The following SHISA9 variants were observed in gnomAD, a reference collection of about 807,000 sequenced individuals.
The protein encoded by SHISA9 is protein shisa-9.
Under a neutral mutation model 38.0 loss-of-function variants are expected in SHISA9, and 13 were observed. The ratio of observed to expected loss-of-function variants is 0.34; its 90% CI spans 0.22 to 0.54. SHISA9 has a LOEUF of 0.54. Among genes scored for constraint, SHISA9 ranks in the 20% least tolerant of loss-of-function variants. The probability of loss-of-function intolerance (pLI) is 0.91; values close to 1 mark genes in which losing one functional copy is unlikely to be tolerated. For synonymous variants in SHISA9, 275 were observed against 242.0 expected, an observed-to-expected ratio of 1.14 and a Z score of -1.27; for missense variants, 538 against 575.8, an observed-to-expected ratio of 0.93 and a Z score of 0.67.
intron 2 of SHISA9, among the ~76,000 whole-genome samples, chr16:13,022,636 T>C (rs1476046037): frequency 3.9e-5 from 6 of 152,040 alleles, no homozygotes; most frequent in Admixed American, 6.5e-5. Context: ...CCAGCCTTAA[T>C]TTTATTTTTA....
chr16:13,409,690 G>A, the SHISA9 span, among the ~76,000 whole-genome samples: 1 of 152,180 alleles, frequency 6.6e-6, no homozygotes, highest in African/African-American at 2.4e-5. Context: ...TGTCTTAGCT[G>A]GATCTCAAAA....
chr16:13,553,241 T>C, the SHISA9 span, among the ~76,000 whole-genome samples: 1 of 152,220 alleles, frequency 6.6e-6, no homozygotes, highest in Non-Finnish European at 1.5e-5. Context: ...TTCCCCATTC[T>C]GTAAGTGAAG....
intron 3 of SHISA9, among the ~76,000 whole-genome samples, chr16:13,209,553 C>T (rs555375205): frequency 6.6e-6 from 1 of 152,198 alleles, no homozygotes; most frequent in Admixed American, 6.5e-5. Flanking sequence ...TGTTTCAATA[C>T]AATCCATCAG....
intron 2 of SHISA9, among the ~76,000 whole-genome samples, chr16:13,045,382 T>C (rs568083077): frequency 1.1e-4 from 16 of 152,208 alleles, no homozygotes; most frequent in Admixed American, 8.5e-4. Flanking sequence ...AGGAATTCTG[T>C]CTCCAGAGCT....
At chr16:13,533,928 C>T in the SHISA9 span, among the ~76,000 whole-genome samples, 7 of 151,836 alleles carry the variant, frequency 4.6e-5, no homozygotes, top group Non-Finnish European at 8.8e-5. Context: ...GGACTACAGG[C>T]GCCTGCCACT....
At chr16:13,144,253 A>G (rs1307227691) in intron 2 of SHISA9, among the ~76,000 whole-genome samples, 1 of 151,676 alleles carries the variant, frequency 6.6e-6, no homozygotes, top group East Asian at 1.9e-4. Flanking sequence ...CCTGGGTTCA[A>G]GAGATTCTCC....
chr16:13,433,148 C>T, the SHISA9 span, among the ~76,000 whole-genome samples: 2 of 151,246 alleles, frequency 1.3e-5, no homozygotes, highest in African/African-American at 2.4e-5. Flanking sequence ...TAGGGATAGT[C>T]ATAGTTACAA....
the SHISA9 span, among the ~76,000 whole-genome samples, chr16:13,408,684 C>T: frequency 6.6e-6 from 1 of 152,152 alleles, no homozygotes; most frequent in Non-Finnish European, 1.5e-5. Context: ...AGAAGAATTT[C>T]CCACACACAG....
At chr16:13,064,551 T>A (rs550282591) in intron 2 of SHISA9, among the ~76,000 whole-genome samples, 2 of 152,222 alleles carry the variant, frequency 1.3e-5, no homozygotes, top group Admixed American at 1.3e-4. Context: ...ACATAAGAAT[T>A]TTGAATGATA....
rs543314436 is a variant in SHISA9 at position 13,155,678 on chromosome 16, C to T, written c.692-47716C>T. 1.4e-4 allele frequency among the ~76,000 whole-genome samples: 21 copies of T among 152,162 alleles called. No homozygotes were observed. The East Asian group carries it at 4.1e-3, about 29-fold the overall frequency. ...GCTAGTCAAGGTACCCAGGCCACAG[C>T]CTTTGAACTAATTAGCAATTACTGG... is the stretch of plus-strand genomic sequence containing the variant. On this transcript the variant is annotated intron_variant, in intron 2 of 4. Coordinates refer to ENST00000558583, the MANE Select transcript of SHISA9 (RefSeq NM_001145204.3).
the SHISA9 span, among the ~76,000 whole-genome samples, chr16:13,469,365 A>AAGAAAGAAAAGAAAAAGAAAGAAAG: frequency 4.0e-4 from 26 of 64,520 alleles, no homozygotes; most frequent in Non-Finnish European, 5.5e-4. Flanking sequence ...AAAGAAAAGA[A>AAGAAAGAAAAGAAAAAGAAAGAAAG]AAAGAAAGAA....
chr16:13,121,819 A>C (rs1358386472), intron 2 of SHISA9, among the ~76,000 whole-genome samples: 1 of 134,950 alleles, frequency 7.4e-6, no homozygotes, highest in Non-Finnish European at 1.5e-5. Context: ...AACATTAAAC[A>C]CCTATACACA....
intron 2 of SHISA9, among the ~76,000 whole-genome samples, chr16:12,983,002 A>G (rs1225354444): frequency 1.3e-5 from 2 of 152,228 alleles, no homozygotes; most frequent in Non-Finnish European, 2.9e-5. Context: ...CAAAAGACAC[A>G]GCTACTCTTG....
At chr16:12,907,952 G>C (rs973354577) in intron 1 of SHISA9, among the ~76,000 whole-genome samples, 2 of 152,154 alleles carry the variant, frequency 1.3e-5, no homozygotes, top group Non-Finnish European at 2.9e-5. Context: ...AGTCAGTCAA[G>C]TTGCTCTGCA....
chr16:13,432,345 GT>G, the SHISA9 span, among the ~76,000 whole-genome samples: 67 of 152,156 alleles, frequency 4.4e-4, no homozygotes, highest in Non-Finnish European at 8.5e-4. Context: ...ATAAATAAAA[GT>G]TGCAAATCTG....
the SHISA9 span, among the ~76,000 whole-genome samples, chr16:13,285,476 T>G: frequency 4.0e-5 from 6 of 149,488 alleles, no homozygotes; most frequent in South Asian, 2.1e-4. Context: ...TTTTTTTTTT[T>G]TTTTTTTTTT....
chr16:12,969,800 CAGAAA>C (rs2072031277), intron 2 of SHISA9, among the ~76,000 whole-genome samples: 2 of 151,974 alleles, frequency 1.3e-5, no homozygotes, highest in African/African-American at 4.8e-5. Context: ...ACACTGGAAA[CAGAAA>C]ACAAATAAAT....
the SHISA9 span, among the ~76,000 whole-genome samples, chr16:13,522,604 G>A: frequency 2.0e-5 from 3 of 152,068 alleles, no homozygotes; most frequent in Non-Finnish European, 4.4e-5. Flanking sequence ...GACTTAATAA[G>A]AGCAGACAGA....
intron 2 of SHISA9, among the ~76,000 whole-genome samples, chr16:12,983,170 G>C (rs1311048697): frequency 2.0e-5 from 3 of 152,216 alleles, no homozygotes; most frequent in Non-Finnish European, 4.4e-5. Context: ...AGGCTGCAGA[G>C]AGAAGTGTTC....
Sources: gnomAD v4.1 joint callset for allele counts (sites outside exome capture counted in the v4.1 genomes callset) on GRCh38, gnomAD v4.1.1 for gene constraint, MANE v1.5 for transcripts, NCBI Gene and HGNC (gene_info 2026-07-23, HGNC 2026-07-21) for gene names.